Variants in CD44 observed in about 807,000 individuals in gnomAD.
The protein encoded by CD44 is CD44 molecule (IN blood group), also known as CD44 antigen.
In CD44, 49 loss-of-function variants were observed where a neutral mutation model predicts 88.8. The ratio of observed to expected loss-of-function variants is 0.55; its 90% CI spans 0.44 to 0.70. CD44 has a LOEUF of 0.70. CD44 is among the 30% of genes least tolerant of loss of function. The pLI is 0.00. For synonymous variants in CD44, 325 were observed against 312.3 expected, an observed-to-expected ratio of 1.04 and a Z score of -0.43; for missense variants, 883 against 913.8, an observed-to-expected ratio of 0.97 and a Z score of 0.43.
At chr11:35,203,799 T>C (rs956756222) in intron 9 of CD44, among the ~76,000 whole-genome samples, 1 of 152,170 alleles carries the variant, frequency 6.6e-6, no homozygotes, top group Non-Finnish European at 1.5e-5. Context: ...TGGAATTATA[T>C]TCTCTTGATT....
rs1949955910 is a variant in CD44 at position 35,229,525 on chromosome 11, C to T, written c.*192C>T. 3.6e-6 allele frequency: 2 copies of T among 558,570 alleles called. No homozygotes were observed. Among genetic ancestry groups the T allele is most frequent in the South Asian group, 4.7e-5 (2 of 42,994 alleles). 34.6% of individuals were successfully genotyped at this position (558,570 alleles called of 1,614,324 possible). A position where few individuals can be genotyped will look rare whatever the true frequency, so the allele number is the denominator to read the frequency against. ...GGTCCAATTTGTAAAAACAGCATTG[C>T]TTTCTGAAATTAGGGCCCAATTAAT... On this transcript the variant is annotated 3_prime_UTR_variant, in exon 18 of 18. Coordinates refer to ENST00000428726, the MANE Select transcript of CD44 (RefSeq NM_000610.4).
At chr11:35,198,544 C>G (rs189848109) in intron 7 of CD44, 1 of 312,362 alleles carries the variant, frequency 3.2e-6, no homozygotes. Flanking sequence ...GACATTAAAA[C>G]AGTACAAAAA....
intron 5 of CD44, among the ~76,000 whole-genome samples, chr11:35,195,327 T>C (rs1946633613): frequency 6.6e-6 from 1 of 152,188 alleles, no homozygotes; most frequent in Non-Finnish European, 1.5e-5. Context: ...TTGGATAAAT[T>C]ATATTCTTTA....
At chr11:35,142,121 G>T (rs1475375567) in intron 1 of CD44, among the ~76,000 whole-genome samples, 1 of 152,110 alleles carries the variant, frequency 6.6e-6, no homozygotes, top group Non-Finnish European at 1.5e-5. Context: ...CTTGGTGGAG[G>T]CCAGGGGGGA....
At chr11:35,140,092 A>C (rs750648785) in intron 1 of CD44, among the ~76,000 whole-genome samples, 8 of 152,198 alleles carry the variant, frequency 5.3e-5, no homozygotes, top group Non-Finnish European at 8.8e-5. Context: ...TCTGCCAATC[A>C]GTGTGGGGAA....
At chr11:35,160,506 G>A (rs1483959010) in intron 1 of CD44, among the ~76,000 whole-genome samples, 1 of 152,186 alleles carries the variant, frequency 6.6e-6, no homozygotes, top group Non-Finnish European at 1.5e-5. Context: ...CTGCAGGTAG[G>A]AGAGAGTCAC....
At chr11:35,219,497 A>T in intron 16 of CD44, 110 bp downstream of exon 16, 1 of 744,168 alleles carries the variant, frequency 1.3e-6, no homozygotes, top group Non-Finnish European at 2.4e-6. Flanking sequence ...AATGCCCAAC[A>T]TATGAATCCA....
At chr11:35,184,349 G>C (rs1190109319) in intron 3 of CD44, among the ~76,000 whole-genome samples, 1 of 152,190 alleles carries the variant, frequency 6.6e-6, no homozygotes, top group Non-Finnish European at 1.5e-5. Flanking sequence ...ATTACAACTT[G>C]CTGCCTGGAA....
intron 1 of CD44, among the ~76,000 whole-genome samples, chr11:35,171,247 T>G (rs1258932559): frequency 6.6e-6 from 1 of 152,206 alleles, no homozygotes; most frequent in Non-Finnish European, 1.5e-5. Flanking sequence ...TTGGCTCCTT[T>G]TAAGTCAAGA....
intron 1 of CD44, among the ~76,000 whole-genome samples, chr11:35,167,820 A>C (rs1943459969): frequency 6.6e-6 from 1 of 152,188 alleles, no homozygotes; most frequent in African/African-American, 2.4e-5. Context: ...CCCTGGGCCA[A>C]CCCCAAGTCC....
chr11:35,219,062 T>C (rs939867500), intron 15 of CD44: 1 of 479,692 alleles, frequency 2.1e-6, no homozygotes, highest in Non-Finnish European at 3.8e-6. Context: ...ACCAAAGTCC[T>C]GAACACTGTG....
At position 35,230,928 on chromosome 11, in the gene CD44, G is replaced by C. The variant is rs1950031104; in HGVS notation, c.*1595G>C. Reference sequence around the variant, plus strand: ...TGTGCTTAACAGGCAATGCTTCTCAGACCACAAAGCAGAAAGAAGAAGAAA... The same window carrying C: ...TGTGCTTAACAGGCAATGCTTCTCACACCACAAAGCAGAAAGAAGAAGAAA... On this transcript the variant is annotated 3_prime_UTR_variant, in exon 18 of 18. Transcript: ENST00000428726. The C allele has an allele frequency of 6.6e-6, 1 of 152,556 alleles. No individual in the cohort carries two copies. Among genetic ancestry groups the C allele is most frequent in the Non-Finnish European group, 1.5e-5 (1 of 68,256 alleles). The allele number at this position is 152,556 out of a possible 1,614,324, so 9.5% of individuals were successfully genotyped here. A position where few individuals can be genotyped will look rare whatever the true frequency, so the allele number is the denominator to read the frequency against.
intron 16 of CD44, 107 bp from the exon 17 acceptor site, chr11:35,221,547 C>G (rs997492170): frequency 3.3e-6 from 3 of 920,554 alleles, no homozygotes; most frequent in Non-Finnish European, 5.4e-6. Context: ...CCCCCTGCAG[C>G]GCTGACTGTG....
intron 1 of CD44, among the ~76,000 whole-genome samples, chr11:35,154,115 T>C (rs897318372): frequency 6.6e-6 from 1 of 152,234 alleles, no homozygotes; most frequent in Non-Finnish European, 1.5e-5. Flanking sequence ...ATAGAAGTTA[T>C]TTTAAGCTAC....
At chr11:35,175,307 C>T (rs1944337507) in intron 1 of CD44, among the ~76,000 whole-genome samples, 1 of 152,144 alleles carries the variant, frequency 6.6e-6, no homozygotes, top group Non-Finnish European at 1.5e-5. Context: ...TGAACATAAA[C>T]TCTTGGAGGT....
intron 14 of CD44, among the ~76,000 whole-genome samples, chr11:35,214,501 T>A (rs915462861): frequency 2.0e-5 from 3 of 152,206 alleles, no homozygotes; most frequent in African/African-American, 7.2e-5. Context: ...AGTCTCAACC[T>A]CATACCTGCA....
intron 9 of CD44, among the ~76,000 whole-genome samples, chr11:35,203,124 C>A (rs1045106232): frequency 6.6e-6 from 1 of 152,210 alleles, no homozygotes; most frequent in African/African-American, 2.4e-5. Context: ...TCAAAGGGAT[C>A]TGATTGGTGA....
chr11:35,170,211 G>T (rs543219234), intron 1 of CD44, among the ~76,000 whole-genome samples: 26 of 152,330 alleles, frequency 1.7e-4, no homozygotes, highest in Middle Eastern at 3.4e-3. Flanking sequence ...TTAACAACCT[G>T]TGTCACCTAA....
chr11:35,196,413 G>A (rs1469649015), intron 5 of CD44, among the ~76,000 whole-genome samples: 8 of 152,142 alleles, frequency 5.3e-5, no homozygotes, highest in South Asian at 2.1e-4. Flanking sequence ...ATTCAAAGAC[G>A]GCTGTCATGC....
Sources: allele counts gnomAD v4.1 joint callset (sites outside exome capture counted in the v4.1 genomes callset), GRCh38; gene constraint gnomAD v4.1.1; transcripts MANE v1.5; gene names NCBI Gene and HGNC (gene_info 2026-07-23, HGNC 2026-07-21).